Variants in PRKCH observed in about 807,000 individuals in gnomAD.
PRKCH encodes the protein protein kinase C eta, also known as protein kinase C eta type.
Under a neutral mutation model 82.5 loss-of-function variants are expected in PRKCH, and 28 were observed. The observed-to-expected ratio is 0.34, with a 90% CI of 0.25 to 0.47. The LOEUF (loss-of-function observed/expected upper bound fraction) is 0.47. PRKCH is among the 20% of genes least tolerant of loss of function. The pLI, the probability that PRKCH is intolerant of heterozygous loss-of-function variation, is 1.00. For missense variants in PRKCH, 705 were observed against 881.8 expected, an observed-to-expected ratio of 0.80 and a Z score of 2.54; for synonymous variants, 322 against 327.4, an observed-to-expected ratio of 0.98 and a Z score of 0.18.
chr14:61,221,903 C>T (rs1175367313), intron 1 of PRKCH, among the ~76,000 whole-genome samples: 1 of 152,156 alleles, frequency 6.6e-6, no homozygotes, highest in Non-Finnish European at 1.5e-5. Flanking sequence ...TGACTTTTTG[C>T]TAAAAGGCAG....
intron 1 of PRKCH, among the ~76,000 whole-genome samples, chr14:61,236,576 C>T (rs936614863): frequency 2.0e-5 from 3 of 151,804 alleles, no homozygotes; most frequent in Non-Finnish European, 4.4e-5. Flanking sequence ...GGCATGGTGG[C>T]GGGAGCCTGT....
At chr14:61,188,516 C>T (rs900377495) in intron 1 of PRKCH, among the ~76,000 whole-genome samples, 7 of 151,732 alleles carry the variant, frequency 4.6e-5, no homozygotes. Flanking sequence ...CCTCCGGGCG[C>T]CTCCCGGCTC....
At chr14:61,460,236 G>T (rs571493751) in intron 9 of PRKCH, among the ~76,000 whole-genome samples, 2 of 152,202 alleles carry the variant, frequency 1.3e-5, no homozygotes, top group African/African-American at 4.8e-5. Flanking sequence ...TTTAATGGCT[G>T]CATAGTACTC....
intron 1 of PRKCH, among the ~76,000 whole-genome samples, chr14:61,234,735 G>T (rs1242209813): frequency 6.6e-6 from 1 of 152,150 alleles, no homozygotes; most frequent in Admixed American, 6.5e-5. Flanking sequence ...ATAGCACTCT[G>T]AGCATTTGCA....
At chr14:61,274,205 G>A (rs1040045021) in intron 1 of PRKCH, among the ~76,000 whole-genome samples, 2 of 152,240 alleles carry the variant, frequency 1.3e-5, no homozygotes, top group Non-Finnish European at 2.9e-5. Flanking sequence ...TGGTGGTCAG[G>A]TGGAGGAGCA....
chr14:61,421,048 G>A (rs182804565), intron 2 of PRKCH, among the ~76,000 whole-genome samples: 310 of 151,652 alleles, frequency 2.0e-3, no homozygotes, highest in African/African-American at 7.1e-3. Context: ...TGAAAACAGA[G>A]CCTCAACACA....
chr14:61,493,357 C>G (rs1039498905), intron 10 of PRKCH, among the ~76,000 whole-genome samples: 4 of 152,228 alleles, frequency 2.6e-5, no homozygotes, highest in Non-Finnish European at 5.9e-5. Flanking sequence ...AATCATCTCT[C>G]TATTCCAATT....
At chr14:61,211,451 C>G (rs966447126) in intron 1 of PRKCH, among the ~76,000 whole-genome samples, 1 of 152,152 alleles carries the variant, frequency 6.6e-6, no homozygotes, top group Non-Finnish European at 1.5e-5. Context: ...AAAACCACCA[C>G]GTGTTCTTGT....
chr14:61,528,414 A>G (rs1365395336), intron 10 of PRKCH, among the ~76,000 whole-genome samples: 1 of 152,026 alleles, frequency 6.6e-6, no homozygotes, highest in African/African-American at 2.4e-5. Flanking sequence ...GGCTAGTTTC[A>G]AACTCCTGAA....
intron 1 of PRKCH, among the ~76,000 whole-genome samples, chr14:61,226,457 C>T (rs141769634): frequency 2.6e-5 from 4 of 152,062 alleles, no homozygotes; most frequent in African/African-American, 9.7e-5. Context: ...TGTTGTGGGT[C>T]GATTACATTA....
chr14:61,403,880 A>G (rs73320022), intron 2 of PRKCH, among the ~76,000 whole-genome samples: 3,593 of 152,174 alleles, frequency 0.024, 131 homozygotes, highest in African/African-American at 0.083. Flanking sequence ...TATTCTCTCT[A>G]TGGAACTGAG....
chr14:61,269,926 G>A (rs1209647588), intron 1 of PRKCH, among the ~76,000 whole-genome samples: 3 of 152,200 alleles, frequency 2.0e-5, no homozygotes, highest in African/African-American at 7.2e-5. Context: ...CCAGGTGGCA[G>A]AGTTGAATCC....
Position 61,498,797 on chromosome 14 carries a change from A to T in PRKCH, c.1433+13141A>T, listed in dbSNP as rs181891954. Among the ~76,000 whole-genome samples the T allele has an allele frequency of 2.0e-5, 3 of 152,250 alleles. No individual in the cohort carries two copies. The East Asian group carries it at 5.8e-4, about 29-fold the overall frequency. On this transcript the variant is annotated intron_variant, in intron 10 of 13. Coordinates refer to ENST00000332981, the MANE Select transcript of PRKCH (RefSeq NM_006255.5). ...TATCTCCCAAAGGCCCTACCTCCAA[A>T]TGCTATCACATTAGAGCTTAGGGCT...
rs532229233 is a variant in PRKCH at position 61,216,683 on chromosome 14, A to G, written c.-19+29015A>G. 5.9e-5 allele frequency among the ~76,000 whole-genome samples: 9 copies of G among 152,226 alleles called. No homozygotes were observed. The South Asian group carries it at 1.9e-3, about 32-fold the overall frequency. On this transcript the variant is annotated intron_variant, in intron 1 of 3. Coordinates refer to the PRKCH transcript ENST00000555185. The stretch of plus-strand genomic sequence containing the variant: ...CTTCACAGCTTTCTAGGCTTAAGAG[A>G]AGCTGGGCTGCCGAAGGGCTGGTTC...
intron 1 of PRKCH, chr14:61,390,676 A>ATCTC (rs1566854032): frequency 1.1e-4 from 17 of 151,422 alleles, no homozygotes; most frequent in Non-Finnish European, 2.5e-4. Context: ...CTCTCTCTCA[A>ATCTC]AAAAAAAAGA....
intron 9 of PRKCH, among the ~76,000 whole-genome samples, chr14:61,475,757 T>G (rs1197037877): frequency 1.3e-5 from 2 of 152,210 alleles, no homozygotes; most frequent in South Asian, 2.1e-4. Context: ...TTCCTTTCTG[T>G]TTTTAAAACA....
chr14:61,457,578 C>T lies in PRKCH; in HGVS notation c.1177C>T (p.Gln393Ter). The change falls in exon 9 of 14, where the codon CAG (glutamine) becomes TAG (stop). Residue 393 changes from glutamine to a stop codon, truncating the protein, a stop_gained. Coordinates refer to ENST00000332981, the MANE Select transcript of PRKCH (RefSeq NM_006255.5). LOFTEE classifies it high-confidence loss of function. The part of the protein sequence containing the change: ...VKVLKKDVIL[Q>*]DDDVECTMTE... ...GGTGCTGAAGAAGGACGTGATTCTG[C>T]AGGATGATGATGTGGAATGCACCAT... The T allele has an allele frequency of 6.2e-7, 1 of 1,614,102 alleles. No homozygotes were observed. Among genetic ancestry groups the T allele is most frequent in the Non-Finnish European group, 8.5e-7 (1 of 1,180,006 alleles).
intron 13 of PRKCH, among the ~76,000 whole-genome samples, chr14:61,548,439 T>G (rs912662010): frequency 6.6e-6 from 1 of 152,238 alleles, no homozygotes; most frequent in Non-Finnish European, 1.5e-5. Context: ...CTCCAAGCTC[T>G]GCAGCTGAGG....
intron 2 of PRKCH, among the ~76,000 whole-genome samples, chr14:61,406,869 A>G (rs1881979552): frequency 6.6e-6 from 1 of 152,104 alleles, no homozygotes; most frequent in Admixed American, 6.5e-5. Context: ...GCATGGCTCC[A>G]CCAGTGTTGG....
Sources: allele counts gnomAD v4.1 joint callset (sites outside exome capture counted in the v4.1 genomes callset), GRCh38; gene constraint gnomAD v4.1.1; transcripts MANE v1.5; gene names NCBI Gene and HGNC (gene_info 2026-07-23, HGNC 2026-07-21).